Variants in CTBP2 observed in about 807,000 individuals in gnomAD.
CTBP2 encodes C-terminal-binding protein 2.
In CTBP2, 30 loss-of-function variants were observed where a neutral mutation model predicts 80.3. The observed-to-expected ratio is 0.37, with a 90% confidence interval of 0.28 to 0.51. CTBP2 has a LOEUF of 0.51. Among genes scored for constraint, CTBP2 ranks in the 20% least tolerant of loss-of-function variants. CTBP2 has a pLI of 0.93. For missense variants in CTBP2, 1,212 were observed against 1,375.3 expected (o/e 0.88, Z 1.88); for synonymous variants, 594 against 587.4 (o/e 1.01, Z -0.16).
Position 124,985,016 on chromosome 10 carries a change from A to G in CTBP2, c.*4502T>C. ...GAAAAAAAAAATCAAACAGCAGAAG[A>G]CCAAGGCATCAGATCTGTAATGACC... is the stretch of plus-strand genomic sequence containing the variant. On this transcript the variant is annotated 3_prime_UTR_variant, in exon 9 of 9. Transcript: ENST00000309035. The G allele has an allele frequency of 6.4e-7, 1 of 1,558,096 alleles. No homozygotes were observed. Among genetic ancestry groups the G allele is most frequent in the Non-Finnish European group, 8.8e-7 (1 of 1,141,004 alleles).
chr10:125,099,483 C>G (rs997438687), intron 2 of CTBP2, among the ~76,000 whole-genome samples: 8 of 152,180 alleles, frequency 5.3e-5, no homozygotes, highest in Admixed American at 6.5e-5. Context: ...AGCCCTCCCC[C>G]CAAGTTCACT....
intron 1 of CTBP2, among the ~76,000 whole-genome samples, chr10:125,144,303 G>C (rs1249781596): frequency 6.6e-6 from 1 of 152,160 alleles, no homozygotes; most frequent in East Asian, 1.9e-4. Flanking sequence ...TGGACGGCCT[G>C]GTATTGGTGG....
intron 2 of CTBP2, among the ~76,000 whole-genome samples, chr10:125,109,630 C>G (rs755465504): frequency 6.6e-6 from 1 of 152,230 alleles, no homozygotes; most frequent in African/African-American, 2.4e-5. Context: ...CTTAAGTGTT[C>G]AAAGATGACT....
In CTBP2 at chr10:125,043,394, A is replaced by G. The variant is rs145055033; in HGVS notation, c.-101-4239T>C. Among the ~76,000 whole-genome samples the G allele has an allele frequency of 2.6e-3, 398 of 152,314 alleles. 3 individuals are homozygous for G. The highest frequency in any genetic ancestry group is 9.0e-3 in the African/African-American group (372 of 41,560). ...AGGTTACACAGCACAAAAACCTGGG[A>G]TCAACTCAGTTTTATAGACCCTCTC... On this transcript the variant is annotated intron_variant, in intron 2 of 10. Transcript: ENST00000337195.
chr10:125,134,639 C>T (rs1402218302), intron 1 of CTBP2, among the ~76,000 whole-genome samples: 2 of 152,298 alleles, frequency 1.3e-5, no homozygotes, highest in East Asian at 3.9e-4. Context: ...TTTCTGCCCC[C>T]GCACCACAGC....
intron 1 of CTBP2, among the ~76,000 whole-genome samples, chr10:125,159,325 G>C (rs1484909486): frequency 6.7e-6 from 1 of 148,778 alleles, no homozygotes; most frequent in Non-Finnish European, 1.5e-5. Flanking sequence ...GGGGGAGGCG[G>C]GCGGGCCGGG....
chr10:124,993,825 C>A (rs759784455), intron 6 of CTBP2, 30 bp downstream of exon 8: 6 of 1,598,260 alleles, frequency 3.8e-6, no homozygotes, highest in Admixed American at 1.7e-5. Context: ...GCCCTGTGGG[C>A]TCCTGGTAGG....
chr10:125,059,325 A>G (rs895631181), intron 2 of CTBP2, among the ~76,000 whole-genome samples: 1 of 152,104 alleles, frequency 6.6e-6, no homozygotes, highest in African/African-American at 2.4e-5. Context: ...TCACGCTTGG[A>G]ATCCCAGCAC....
chr10:125,116,772 T>C (rs1853385466), intron 1 of CTBP2, among the ~76,000 whole-genome samples: 1 of 152,158 alleles, frequency 6.6e-6, no homozygotes, highest in African/African-American at 2.4e-5. Flanking sequence ...TGGAAAGTGG[T>C]GCCAGGGGCT....
At chr10:124,997,894 C>A in intron 4 of CTBP2, 70 bp downstream of exon 6, 1 of 1,518,810 alleles carries the variant, frequency 6.6e-7, no homozygotes, top group South Asian at 1.2e-5. Context: ...GTTGCCTTTC[C>A]CGAGGGGTCC....
intron 2 of CTBP2, among the ~76,000 whole-genome samples, chr10:125,054,009 G>A (rs372039258): frequency 2.0e-5 from 3 of 152,108 alleles, no homozygotes; most frequent in Non-Finnish European, 2.9e-5. Flanking sequence ...GCCACCCACC[G>A]GTGACACAGG....
chr10:125,127,187 A>C (rs1357343431), intron 1 of CTBP2, among the ~76,000 whole-genome samples: 1 of 152,144 alleles, frequency 6.6e-6, no homozygotes, highest in African/African-American at 2.4e-5. Flanking sequence ...TGCCTTCTAG[A>C]TACTTCTGTC....
At chr10:125,059,273 A>G (rs1159790132) in intron 2 of CTBP2, among the ~76,000 whole-genome samples, 1 of 152,102 alleles carries the variant, frequency 6.6e-6, no homozygotes, top group East Asian at 1.9e-4. Context: ...AGACATACGC[A>G]ATTTCACTTC....
intron 2 of CTBP2, among the ~76,000 whole-genome samples, chr10:125,075,469 C>G (rs78495100): frequency 0.091 from 13,924 of 152,196 alleles, 670 homozygotes; most frequent in Middle Eastern, 0.17. Context: ...GAATGACACA[C>G]CAAGAAGACC....
At chr10:125,091,126 T>C in intron 2 of CTBP2, among the ~76,000 whole-genome samples, 1 of 152,164 alleles carries the variant, frequency 6.6e-6, no homozygotes, top group Admixed American at 6.5e-5. Context: ...AAGTACAGAT[T>C]CCACTTAGGT....
intron 2 of CTBP2, among the ~76,000 whole-genome samples, chr10:125,049,210 A>G (rs1962110572): frequency 6.6e-6 from 1 of 152,162 alleles, no homozygotes; most frequent in Non-Finnish European, 1.5e-5. Flanking sequence ...GAAGAATGGG[A>G]GGGGCTGGTG....
intron 1 of CTBP2, among the ~76,000 whole-genome samples, chr10:125,157,071 T>C (rs1565069497): frequency 6.6e-6 from 1 of 152,230 alleles, no homozygotes; most frequent in Non-Finnish European, 1.5e-5. Context: ...GCAGTAGTGT[T>C]TGTTTTTAAC....
At chr10:125,038,003 T>TA (rs573257031) in intron 3 of CTBP2, among the ~76,000 whole-genome samples, 1 of 152,192 alleles carries the variant, frequency 6.6e-6, no homozygotes, top group Non-Finnish European at 1.5e-5. Flanking sequence ...ATGTTTACTT[T>TA]AAAAAAACCC....
intron 2 of CTBP2, among the ~76,000 whole-genome samples, chr10:125,042,016 T>C (rs2135041444): frequency 6.6e-6 from 1 of 151,806 alleles, no homozygotes; most frequent in South Asian, 2.1e-4. Context: ...GGACCTTCTG[T>C]GGGTTCCTTT....
Sources: gnomAD v4.1 joint callset for allele counts (sites outside exome capture counted in the v4.1 genomes callset) on GRCh38, gnomAD v4.1.1 for gene constraint, MANE v1.5 for transcripts, NCBI Gene and HGNC (gene_info 2026-07-23, HGNC 2026-07-21) for gene names.